The following CACNG7 variants were observed in gnomAD, a reference collection of about 807,000 sequenced individuals.
The protein encoded by CACNG7 is voltage-dependent calcium channel gamma-7 subunit.
In CACNG7, 9 loss-of-function variants were observed where a neutral mutation model predicts 26.3. That is an observed-to-expected ratio of 0.34 (90% CI 0.21 to 0.60). The LOEUF is 0.60. CACNG7 is among the 20% of genes least tolerant of loss of function. The pLI is 0.81. For synonymous variants in CACNG7, 170 were observed against 157.0 expected, an observed-to-expected ratio of 1.08 and a Z score of -0.62; for missense variants, 297 against 380.4, an observed-to-expected ratio of 0.78 and a Z score of 1.82.
chr19:53,921,523 T>TC (rs1568774406), intron 4 of CACNG7, among the ~76,000 whole-genome samples: 1 of 139,440 alleles, frequency 7.2e-6, no homozygotes, highest in African/African-American at 2.9e-5. Context: ...ATTGGTGGAG[T>TC]TGCCCCAGGT....
intron 4 of CACNG7, among the ~76,000 whole-genome samples, chr19:53,938,025 T>C (rs2069115961): frequency 6.6e-6 from 1 of 151,964 alleles, no homozygotes; most frequent in South Asian, 2.1e-4. Flanking sequence ...AGAAGTGAGC[T>C]TGAGGAGTTC....
intron 4 of CACNG7, among the ~76,000 whole-genome samples, chr19:53,932,956 T>G (rs1321704905): frequency 1.3e-5 from 2 of 151,014 alleles, no homozygotes; most frequent in African/African-American, 4.9e-5. Flanking sequence ...TACAGGCATC[T>G]GCCATCACGC....
intron 3 of CACNG7, among the ~76,000 whole-genome samples, chr19:53,914,899 G>A (rs1310544712): frequency 6.6e-6 from 1 of 151,970 alleles, no homozygotes; most frequent in Non-Finnish European, 1.5e-5. Context: ...CTACTCAGGA[G>A]GCTGAGGCAG....
At position 53,912,238 on chromosome 19, in the gene CACNG7, G is replaced by A. The variant is rs182025344; in HGVS notation, c.-29-565G>A. ...GTGTTCACAACCGGGGGCTTCGATC[G>A]TCACACAGAGACAGGGCTGCAGGAT... On this transcript the variant is annotated intron_variant, in intron 1 of 5. Transcript: ENST00000391767. This position sits in a 1 kb window ranked among gnomAD's most constrained non-coding sequence, Gnocchi z 4.6. Among the ~76,000 whole-genome samples the A allele has an allele frequency of 1.8e-4, 27 of 152,210 alleles. No individual in the cohort carries two copies. Among genetic ancestry groups the A allele is most frequent in the African/African-American group, 5.3e-4 (22 of 41,522 alleles).
intron 2 of CACNG7, among the ~76,000 whole-genome samples, 192 bp downstream of exon 2, chr19:53,913,219 A>C (rs1157242662): frequency 6.6e-6 from 1 of 152,082 alleles, no homozygotes; most frequent in African/African-American, 2.4e-5. Flanking sequence ...CCAATGCTCC[A>C]GGCCCCTAAC....
chr19:53,935,612 C>T (rs1043972748), intron 4 of CACNG7, among the ~76,000 whole-genome samples: 17 of 150,294 alleles, frequency 1.1e-4, no homozygotes, highest in Admixed American at 1.1e-3. Flanking sequence ...CGTGAGCCAC[C>T]GCCCCCACCC....
At chr19:53,914,450 T>C in intron 2 of CACNG7, 50 bp from the exon 3 acceptor site, 2 of 1,548,180 alleles carry the variant, frequency 1.3e-6, no homozygotes, top group Non-Finnish European at 1.8e-6. Context: ...CCAGCCTCTC[T>C]AGAGCTTAGG....
intron 4 of CACNG7, 28 bp downstream of exon 4, chr19:53,915,533 G>C: frequency 6.2e-7 from 1 of 1,612,016 alleles, no homozygotes; most frequent in Non-Finnish European, 8.5e-7. Context: ...GGGGTTGGGG[G>C]GGACCATTTC....
chr19:53,934,447 C>A lies in CACNG7; in HGVS notation c.425-7023C>A, dbSNP rs1474381244. Among the ~76,000 whole-genome samples the A allele has an allele frequency of 3.9e-5, 6 of 152,160 alleles. No individual in the cohort carries two copies. In the East Asian group the frequency reaches 1.2e-3, roughly 29 times the overall value. ...TTGGTAAAGATGGTGTCCATCAGAG[C>A]TCCCCATGGAAAAGGTAGGTTTTTC... On this transcript the variant is annotated intron_variant, in intron 4 of 5. Transcript: ENST00000391767.
intron 4 of CACNG7, among the ~76,000 whole-genome samples, chr19:53,932,112 G>A (rs1295837525): frequency 6.6e-6 from 1 of 151,638 alleles, no homozygotes; most frequent in South Asian, 2.1e-4. Flanking sequence ...AAGAAGCCAA[G>A]CACAGTGACT....
intron 2 of CACNG7, among the ~76,000 whole-genome samples, chr19:53,913,824 C>T (rs2068876435): frequency 6.6e-6 from 1 of 151,280 alleles, no homozygotes; most frequent in Admixed American, 6.6e-5. Context: ...TCTATACCTC[C>T]CAGGGACCAC....
At chr19:53,925,791 C>T (rs566836617) in intron 4 of CACNG7, among the ~76,000 whole-genome samples, 1 of 152,310 alleles carries the variant, frequency 6.6e-6, no homozygotes, top group South Asian at 2.1e-4. Flanking sequence ...GTGGCCCAGG[C>T]CGTAGCAGAT....
intron 4 of CACNG7, among the ~76,000 whole-genome samples, chr19:53,932,346 A>G (rs921972563): frequency 6.6e-6 from 1 of 152,090 alleles, no homozygotes; most frequent in Non-Finnish European, 1.5e-5. Context: ...AGTTTCAACA[A>G]TTACCAACAT....
intron 4 of CACNG7, among the ~76,000 whole-genome samples, chr19:53,921,238 T>C (rs1199974932): frequency 1.2e-5 from 1 of 83,354 alleles, no homozygotes; most frequent in Admixed American, 1.3e-4. Context: ...TTGCCCCAGG[T>C]CTGGTCATTG....
chr19:53,927,932 C>G (rs1208377012), intron 4 of CACNG7, among the ~76,000 whole-genome samples: 11 of 151,686 alleles, frequency 7.3e-5, no homozygotes. Context: ...CAGTTGCTCT[C>G]AAGTCAGGAT....
At chr19:53,930,328 C>G (rs987662801) in intron 4 of CACNG7, among the ~76,000 whole-genome samples, 3 of 152,014 alleles carry the variant, frequency 2.0e-5, no homozygotes, top group Admixed American at 6.6e-5. Flanking sequence ...TCTGCCTCAG[C>G]CTCCCGAATA....
intron 4 of CACNG7, among the ~76,000 whole-genome samples, chr19:53,922,428 T>C (rs1215316035): frequency 6.1e-5 from 6 of 99,052 alleles, no homozygotes; most frequent in Admixed American, 9.0e-5. Flanking sequence ...TTGTCCCAGG[T>C]CTGGTCATTG....
At chr19:53,931,012 A>G (rs1379985617) in intron 4 of CACNG7, among the ~76,000 whole-genome samples, 1 of 152,016 alleles carries the variant, frequency 6.6e-6, no homozygotes, top group Non-Finnish European at 1.5e-5. Context: ...CCTGGGCAAC[A>G]TGGTAAAATC....
Position 53,940,145 on chromosome 19 carries a change from G to T in CACNG7, c.425-1325G>T, listed in dbSNP as rs1178280015. ...TTATAGCCTCCTTAAGCCACTCTTG[G>T]CATGGTTACTGTTTAGAGGAAATTT... On this transcript the variant is annotated intron_variant, in intron 4 of 5. Coordinates refer to ENST00000391767, the MANE Select transcript of CACNG7 (RefSeq NM_031896.5). This position sits in a 1 kb window ranked among gnomAD's most constrained non-coding sequence, Gnocchi z 4.1. Among the ~76,000 whole-genome samples, 3 of 152,116 alleles carry T rather than the reference G, an allele frequency of 2.0e-5. No homozygotes were observed. The highest frequency in any genetic ancestry group is 7.2e-5 in the African/African-American group (3 of 41,394).
Sources: allele counts gnomAD v4.1 joint callset (sites outside exome capture counted in the v4.1 genomes callset), GRCh38; gene constraint gnomAD v4.1.1; non-coding constraint Gnocchi (gnomAD v3.1); transcripts MANE v1.5; gene names NCBI Gene and HGNC (gene_info 2026-07-23, HGNC 2026-07-21).